The following GFRA1 variants were observed in gnomAD, a reference collection of about 807,000 sequenced individuals.
GFRA1 encodes the protein GDNF family receptor alpha-1.
In GFRA1, 16 loss-of-function variants were observed where a neutral mutation model predicts 51.6. That is an observed-to-expected ratio of 0.31 (90% CI 0.21 to 0.47). GFRA1 has a LOEUF of 0.47. Among genes scored for constraint, GFRA1 ranks in the 20% least tolerant of loss-of-function variants. GFRA1 has a pLI of 1.00. For missense variants in GFRA1, 530 were observed against 594.3 expected, an observed-to-expected ratio of 0.89 and a Z score of 1.13; for synonymous variants, 270 against 241.3, an observed-to-expected ratio of 1.12 and a Z score of -1.10.
At chr10:116,088,522 A>T (rs1367347797) in intron 9 of GFRA1, among the ~76,000 whole-genome samples, 1 of 152,138 alleles carries the variant, frequency 6.6e-6, no homozygotes, top group Non-Finnish European at 1.5e-5. Context: ...AGCAAGAGTG[A>T]TCCTTCTCTG....
chr10:116,137,988 A>G (rs1192155211), intron 5 of GFRA1, among the ~76,000 whole-genome samples: 1 of 151,988 alleles, frequency 6.6e-6, no homozygotes, highest in Non-Finnish European at 1.5e-5. Context: ...TTTTTAGTAG[A>G]GATGGGGTTT....
At chr10:116,096,835 TTTTC>T in intron 6 of GFRA1, 71 bp from the exon 7 acceptor site, 1 of 810,690 alleles carries the variant, frequency 1.2e-6, no homozygotes, top group Non-Finnish European at 2.1e-6. Flanking sequence ...GACAGACATG[TTTTC>T]TTTATTCCTT....
chr10:116,197,907 C>T (rs935853139), intron 5 of GFRA1, among the ~76,000 whole-genome samples: 3 of 152,220 alleles, frequency 2.0e-5, no homozygotes, highest in South Asian at 2.1e-4. Flanking sequence ...GATGGAGGCC[C>T]GTGGAAGTGA....
At chr10:116,160,874 T>C (rs887117327) in intron 5 of GFRA1, among the ~76,000 whole-genome samples, 27 of 152,340 alleles carry the variant, frequency 1.8e-4, no homozygotes, top group African/African-American at 6.5e-4. Flanking sequence ...GGAGGGCACC[T>C]GTCAATAACA....
rs1273733430 is a variant in GFRA1 at position 116,160,161 on chromosome 10, T to C, written c.434-34604A>G. Among the ~76,000 whole-genome samples the C allele has an allele frequency of 3.3e-5, 5 of 152,340 alleles. No individual in the cohort carries two copies. The East Asian group carries it at 9.6e-4, about 29-fold the overall frequency. On this transcript the variant is annotated intron_variant, in intron 5 of 10. Coordinates refer to ENST00000355422, the MANE Select transcript of GFRA1 (RefSeq NM_005264.8). The stretch of plus-strand genomic sequence containing the variant: ...AGCCTTTTGGTTTTTGTCTTTTGGT[T>C]TTTATTATTAGTTGTTACAAATAAT...
intron 6 of GFRA1, among the ~76,000 whole-genome samples, chr10:116,115,261 G>A (rs1957367527): frequency 6.6e-6 from 1 of 152,138 alleles, no homozygotes; most frequent in Non-Finnish European, 1.5e-5. Flanking sequence ...ATGGGTGTGG[G>A]GGAGTGTGGA....
At chr10:116,128,027 G>T (rs1957946787) in intron 5 of GFRA1, among the ~76,000 whole-genome samples, 1 of 152,132 alleles carries the variant, frequency 6.6e-6, no homozygotes, top group African/African-American at 2.4e-5. Flanking sequence ...TCAAGGAAGT[G>T]GTCAGTGAGA....
chr10:116,071,955 C>T (rs1955415729), intron 9 of GFRA1, among the ~76,000 whole-genome samples: 1 of 151,952 alleles, frequency 6.6e-6, no homozygotes, highest in Non-Finnish European at 1.5e-5. Flanking sequence ...GTTTCAGTTT[C>T]CTAAAAACAG....
At chr10:116,157,391 G>A (rs61864943) in intron 5 of GFRA1, among the ~76,000 whole-genome samples, 2,226 of 152,322 alleles carry the variant, frequency 0.015, 28 homozygotes, top group Non-Finnish European at 0.025. Flanking sequence ...GGAACCAGCT[G>A]CTTGGCAATG....
intron 4 of GFRA1, among the ~76,000 whole-genome samples, chr10:116,244,091 T>C (rs1967646074): frequency 6.6e-6 from 1 of 152,044 alleles, no homozygotes; most frequent in Non-Finnish European, 1.5e-5. Flanking sequence ...GATGAACCTA[T>C]TGTTGAAATA....
chr10:116,224,827 A>G (rs1323142179), intron 4 of GFRA1, among the ~76,000 whole-genome samples: 1 of 152,222 alleles, frequency 6.6e-6, no homozygotes. Context: ...GGTGAATTGT[A>G]CAGTGTGTGA....
intron 4 of GFRA1, among the ~76,000 whole-genome samples, chr10:116,263,551 G>A (rs902668772): frequency 1.3e-5 from 2 of 152,192 alleles, no homozygotes; most frequent in Non-Finnish European, 2.9e-5. Context: ...GCAAAGGTAC[G>A]GAGGGATGAA....
At chr10:116,213,097 G>A (rs1199557849) in intron 4 of GFRA1, among the ~76,000 whole-genome samples, 1 of 152,186 alleles carries the variant, frequency 6.6e-6, no homozygotes, top group Non-Finnish European at 1.5e-5. Context: ...ACTTCTAGAA[G>A]ATAGTTTGAT....
At position 116,228,739 on chromosome 10, in the gene GFRA1, T is replaced by G. The variant is rs566044927; in HGVS notation, c.419-17094A>C. Among the ~76,000 whole-genome samples the G allele has an allele frequency of 2.6e-5, 4 of 151,218 alleles. No individual in the cohort carries two copies. The East Asian group carries it at 7.9e-4, about 30-fold the overall frequency. On this transcript the variant is annotated intron_variant, in intron 4 of 10. Transcript: ENST00000355422. ...GGCTCACGCCTGTAATCCTAGCACT[T>G]TGGGAGGCCAAGGCGGGCAGATCAC...
chr10:116,185,745 G>A (rs1962647297), intron 5 of GFRA1, among the ~76,000 whole-genome samples: 1 of 152,154 alleles, frequency 6.6e-6, no homozygotes, highest in Non-Finnish European at 1.5e-5. Context: ...AGTTTCTTCA[G>A]AGAGCACTTC....
intron 5 of GFRA1, among the ~76,000 whole-genome samples, chr10:116,160,147 T>C (rs980102283): frequency 1.3e-5 from 2 of 152,218 alleles, no homozygotes; most frequent in African/African-American, 4.8e-5. Flanking sequence ...GCCTTTTGGT[T>C]TTTGTCTTTT....
rs577546202 is a variant in GFRA1 at position 116,059,046 on chromosome 10, C to T, written c.*5352G>A. 1 of 152,304 alleles carries T rather than the reference C, an allele frequency of 6.6e-6. No individual in the cohort carries two copies. Among genetic ancestry groups the T allele is most frequent in the Non-Finnish European group, 1.5e-5 (1 of 68,050 alleles). The allele number at this position is 152,304 out of a possible 1,614,324, so 9.4% of individuals were successfully genotyped here. A position where few individuals can be genotyped will look rare whatever the true frequency, so the allele number is the denominator to read the frequency against. Reference sequence around the variant, plus strand: ...GGGCAGATTTAAAGTCACTTGGATCCCAGTGCTTTTTCAGACCCTTTCTCC... The same window carrying T: ...GGGCAGATTTAAAGTCACTTGGATCTCAGTGCTTTTTCAGACCCTTTCTCC... On this transcript the variant is annotated 3_prime_UTR_variant, in exon 11 of 11. Transcript: ENST00000355422.
intron 9 of GFRA1, among the ~76,000 whole-genome samples, chr10:116,076,855 A>G (rs1009913586): frequency 6.6e-6 from 1 of 152,180 alleles, no homozygotes; most frequent in African/African-American, 2.4e-5. Flanking sequence ...AAACATACCC[A>G]TGGCAAATTC....
At chr10:116,095,300 T>C (rs917425184) in intron 7 of GFRA1, among the ~76,000 whole-genome samples, 1 of 152,256 alleles carries the variant, frequency 6.6e-6, no homozygotes, top group Non-Finnish European at 1.5e-5. Flanking sequence ...CTCACGTCCA[T>C]AAGATGTAGA....
Sources: allele counts gnomAD v4.1 joint callset (sites outside exome capture counted in the v4.1 genomes callset), GRCh38; gene constraint gnomAD v4.1.1; transcripts MANE v1.5; gene names NCBI Gene and HGNC (gene_info 2026-07-23, HGNC 2026-07-21).